The following EYS variants were observed in gnomAD, a reference collection of about 807,000 sequenced individuals.
The protein encoded by EYS is protein eyes shut homolog.
A neutral mutation model predicts 282.1 loss-of-function variants in EYS; 250 were observed. The observed-to-expected ratio is 0.89, with a 90% CI of 0.80 to 0.98. The LOEUF (loss-of-function observed/expected upper bound fraction) is 0.98, where lower values mean the gene tolerates loss of function less well. Ranked by LOEUF, EYS falls within the 50% of genes least tolerant of loss-of-function variation. The pLI is 0.00. For synonymous variants in EYS, 1,355 were observed against 1,282.9 expected (o/e 1.06, Z -1.20); for missense variants, 4,016 against 3,709.0 (o/e 1.08, Z -2.15).
intron 31 of EYS, among the ~76,000 whole-genome samples, chr6:64,101,289 T>A (rs904775293): frequency 6.6e-6 from 1 of 152,158 alleles, no homozygotes; most frequent in Non-Finnish European, 1.5e-5. Context: ...TTTTGAAGAT[T>A]GTGTAGATTA....
intron 36 of EYS, among the ~76,000 whole-genome samples, chr6:63,823,575 C>G (rs2149686770): frequency 6.6e-6 from 1 of 152,174 alleles, no homozygotes; most frequent in Non-Finnish European, 1.5e-5. Flanking sequence ...GATTATGCCA[C>G]ATTCTCATTT....
chr6:64,130,914 C>A (rs1773953182), intron 31 of EYS, among the ~76,000 whole-genome samples: 2 of 152,272 alleles, frequency 1.3e-5, no homozygotes, highest in Middle Eastern at 3.4e-3. Flanking sequence ...GTCTCCCAGG[C>A]TGGAGTGAAG....
chr6:64,198,153 C>T lies in EYS; in HGVS notation c.6424+32439G>A, dbSNP rs182434333. Among the ~76,000 whole-genome samples, 1,436 of 146,520 alleles carry T rather than the reference C, an allele frequency of 9.8e-3. 26 individuals carry two copies. The highest frequency in any genetic ancestry group is 0.034 in the African/African-American group (1,348 of 39,928). ...GACTACAGGCGCCCGCCACCACGGC[C>T]GGCCCGGCTAATTTTTTTTTTTTTT... On this transcript the variant is annotated intron_variant, in intron 31 of 42. Transcript: ENST00000503581.
chr6:64,961,468 T>TAC (rs1388176442), intron 14 of EYS, among the ~76,000 whole-genome samples: 6 of 139,164 alleles, frequency 4.3e-5, no homozygotes, highest in South Asian at 2.2e-4. Context: ...TATATATATA[T>TAC]ACACACACAA....
intron 30 of EYS, among the ~76,000 whole-genome samples, chr6:64,270,772 A>G (rs1767916884): frequency 6.6e-6 from 1 of 152,212 alleles, no homozygotes; most frequent in African/African-American, 2.4e-5. Flanking sequence ...CTTCAGCCCC[A>G]GTCCTCTGCC....
intron 2 of EYS, among the ~76,000 whole-genome samples, chr6:65,498,821 TCA>T (rs1272297534): frequency 6.6e-6 from 1 of 152,032 alleles, no homozygotes; most frequent in African/African-American, 2.4e-5. Context: ...GTTATGTGTC[TCA>T]GTTTTTCATT....
At chr6:64,763,742 T>C (rs961992430) in intron 22 of EYS, among the ~76,000 whole-genome samples, 1 of 152,028 alleles carries the variant, frequency 6.6e-6, no homozygotes, top group East Asian at 1.9e-4. Flanking sequence ...TATGAGCCTA[T>C]AAAATAAAAA....
At chr6:63,728,927 G>A (rs1768709571) in intron 41 of EYS, among the ~76,000 whole-genome samples, 1 of 152,026 alleles carries the variant, frequency 6.6e-6, no homozygotes, top group African/African-American at 2.4e-5. Flanking sequence ...TTCCAAAATT[G>A]TTGTACAATT....
intron 12 of EYS, among the ~76,000 whole-genome samples, chr6:65,122,160 A>C (rs112689742): frequency 6.6e-6 from 1 of 152,172 alleles, no homozygotes; most frequent in Non-Finnish European, 1.5e-5. Flanking sequence ...AATCCCAAAA[A>C]ATTGTTTTAA....
chr6:63,737,889 G>GA (rs1172782018), intron 41 of EYS, among the ~76,000 whole-genome samples: 1 of 150,016 alleles, frequency 6.7e-6, no homozygotes, highest in Admixed American at 6.7e-5. Context: ...AAATTTACAA[G>GA]AAAAAAACAA....
At chr6:64,902,330 C>T in intron 17 of EYS, 74 bp downstream of exon 17, 2 of 1,298,780 alleles carry the variant, frequency 1.5e-6, no homozygotes, top group Non-Finnish European at 2.1e-6. Context: ...GCTTAATTCA[C>T]CAATTAAAAT....
intron 12 of EYS, among the ~76,000 whole-genome samples, chr6:65,066,018 G>A (rs1432997458): frequency 6.6e-6 from 1 of 152,044 alleles, no homozygotes; most frequent in East Asian, 1.9e-4. Flanking sequence ...AAACATCTTG[G>A]TTTAATTAGT....
chr6:64,361,727 A>G (rs1443168834), intron 29 of EYS, among the ~76,000 whole-genome samples: 1 of 151,780 alleles, frequency 6.6e-6, no homozygotes, highest in African/African-American at 2.4e-5. Flanking sequence ...TTTAGGACAC[A>G]ACACATACAC....
chr6:65,446,866 GA>G (rs1263734443), intron 5 of EYS, among the ~76,000 whole-genome samples: 3 of 147,360 alleles, frequency 2.0e-5, no homozygotes, highest in Non-Finnish European at 4.6e-5. Context: ...CAAAATGTAA[GA>G]AATATTAATT....
At chr6:65,366,275 T>C (rs1411072238) in intron 8 of EYS, among the ~76,000 whole-genome samples, 1 of 151,726 alleles carries the variant, frequency 6.6e-6, no homozygotes, top group East Asian at 1.9e-4. Context: ...GACAAATGGA[T>C]CTGCTAAACG....
chr6:65,255,907 G>T (rs1562053058), intron 12 of EYS, among the ~76,000 whole-genome samples: 2 of 152,012 alleles, frequency 1.3e-5, no homozygotes, highest in Admixed American at 1.3e-4. Context: ...GGAGGAATAT[G>T]AATTAGTACA....
At position 65,590,908 on chromosome 6, in the gene EYS, G is replaced by A. The variant is rs896588192; in HGVS notation, c.-333+48870C>T. Among the ~76,000 whole-genome samples the A allele has an allele frequency of 1.7e-4, 26 of 150,876 alleles. 1 individual carries two copies. The highest frequency in any genetic ancestry group is 6.1e-4 in the African/African-American group (25 of 40,974). On this transcript the variant is annotated intron_variant, in intron 2 of 42. Transcript: ENST00000503581. Reference sequence around the variant, plus strand: ...GATGGACACTTAGATTCCATAACTTGGCTATTGTGAATAGTGCTACAATAA... The same window carrying A: ...GATGGACACTTAGATTCCATAACTTAGCTATTGTGAATAGTGCTACAATAA...
At chr6:65,162,817 G>C (rs536568949) in intron 12 of EYS, among the ~76,000 whole-genome samples, 1 of 150,890 alleles carries the variant, frequency 6.6e-6, no homozygotes, top group African/African-American at 2.4e-5. Context: ...ACTTGAAAAT[G>C]TTTTGTTTTG....
At chr6:64,115,321 C>G (rs1463117813) in intron 31 of EYS, among the ~76,000 whole-genome samples, 1 of 152,126 alleles carries the variant, frequency 6.6e-6, no homozygotes, top group East Asian at 1.9e-4. Context: ...CATTGTGTGT[C>G]ACTTGTGCTC....
Sources: allele counts gnomAD v4.1 joint callset (sites outside exome capture counted in the v4.1 genomes callset), GRCh38; gene constraint gnomAD v4.1.1; transcripts MANE v1.5; gene names NCBI Gene and HGNC (gene_info 2026-07-23, HGNC 2026-07-21).